Variants in KCNG1 observed in about 807,000 individuals in gnomAD.
KCNG1 encodes voltage-gated potassium channel regulatory subunit KCNG1.
KCNG1 carries 17 observed loss-of-function variants against 32.4 expected under a neutral mutation model. The ratio of observed to expected loss-of-function variants is 0.52; its 90% CI spans 0.36 to 0.79. The LOEUF is 0.79. KCNG1 is among the 30% of genes least tolerant of loss of function. The probability of loss-of-function intolerance (pLI) is 0.00; values close to 1 mark genes in which losing one functional copy is unlikely to be tolerated. For missense variants in KCNG1, 441 were observed against 735.2 expected, an observed-to-expected ratio of 0.60 and a Z score of 4.63; for synonymous variants, 358 against 339.9, an observed-to-expected ratio of 1.05 and a Z score of -0.59.
intron 1 of KCNG1, among the ~76,000 whole-genome samples, chr20:51,013,173 A>G (rs1011928462): frequency 6.6e-6 from 1 of 152,080 alleles, no homozygotes; most frequent in Non-Finnish European, 1.5e-5. Flanking sequence ...GTGGTGGCAC[A>G]TGCCTGAAAT....
intron 1 of KCNG1, chr20:51,012,503 A>C (rs1480148792): frequency 1.3e-5 from 2 of 152,156 alleles, no homozygotes; most frequent in Non-Finnish European, 2.9e-5. Context: ...AAATGAGTAC[A>C]TTTCTTGTTG....
intron 1 of KCNG1, among the ~76,000 whole-genome samples, chr20:51,017,212 G>C (rs986637418): frequency 1.3e-5 from 2 of 152,188 alleles, no homozygotes; most frequent in African/African-American, 4.8e-5. Flanking sequence ...GCAGATTATG[G>C]AAGCCTGCAG....
chr20:51,010,307 T>C lies in KCNG1; in HGVS notation c.32A>G (p.Tyr11Cys), dbSNP rs1353919409. The C allele has an allele frequency of 6.6e-7, 1 of 1,506,846 alleles. No individual in the cohort carries two copies. Among genetic ancestry groups the C allele is most frequent in the Admixed American group, 2.2e-5 (1 of 44,770 alleles). 93.3% of individuals were successfully genotyped at this position (1,506,846 alleles called of 1,614,324 possible). MTLLPGDNSD[Y>C]DYSALSCTSD... is the part of the protein sequence containing the mutation. ...GGTGCAGCTCAGCGCGCTGTAGTCG[T>C]AGTCAGAATTGTCTCCCGGTAAGAG... is the stretch of plus-strand genomic sequence containing the variant. Residue 11 changes from tyrosine to cysteine, a missense_variant, in exon 2 of 3, where the codon TAC (tyrosine) becomes TGC (cysteine). By Grantham distance (194) the Tyr-to-Cys change is radical. Transcript: ENST00000371571.
At chr20:51,018,192 C>A (rs763080784) in intron 1 of KCNG1, among the ~76,000 whole-genome samples, 2 of 152,300 alleles carry the variant, frequency 1.3e-5, no homozygotes, top group Non-Finnish European at 2.9e-5. Context: ...CCAAGCCAGG[C>A]ATGGCTAGTC....
At chr20:51,007,908 A>T (rs958219820) in intron 2 of KCNG1, 9 of 151,880 alleles carry the variant, frequency 5.9e-5, no homozygotes, top group African/African-American at 1.5e-4. Flanking sequence ...TGGATTATTA[A>T]TGCAACAGCT....
chr20:51,016,933 T>C (rs1988300651), intron 1 of KCNG1, among the ~76,000 whole-genome samples: 1 of 152,098 alleles, frequency 6.6e-6, no homozygotes, highest in Admixed American at 6.5e-5. Context: ...TGGGCGGTAA[T>C]GAGGGAAATG....
At chr20:51,019,426 A>G (rs1002125962) in intron 1 of KCNG1, among the ~76,000 whole-genome samples, 2 of 152,082 alleles carry the variant, frequency 1.3e-5, no homozygotes, top group African/African-American at 4.8e-5. Flanking sequence ...TGGGAGGATC[A>G]CTTGAGCCCA....
chr20:51,010,229 C>G lies in KCNG1; in HGVS notation c.110G>C (p.Gly37Ala), dbSNP rs1388696397. The change falls in exon 2 of 3, where the codon GGC (glycine) becomes GCC (alanine). Residue 37 changes from glycine to alanine, a missense_variant. Physicochemically the swap from Gly to Ala is moderately conservative, Grantham distance 60. This residue lies in a region of KCNG1 where 85 missense variants were observed against 98.2 expected (regional missense o/e 0.87). Transcript: ENST00000371571. ...AFLPQRQAIK[G>A]AFYRRAQRLR... ...CCGCTGCGCCCGGCGGTAGAACGCG[C>G]CCTTGATGGCCTGGCGCTGCGGGAG... is the stretch of plus-strand genomic sequence containing the variant. The G allele has an allele frequency of 1.3e-6, 2 of 1,561,074 alleles. No individual in the cohort carries two copies. Among genetic ancestry groups the G allele is most frequent in the South Asian group, 1.2e-5 (1 of 83,312 alleles).
rs1045203421 is a variant in KCNG1, at chr20:51,015,513, A to C, written c.-26-5149T>G. Among the ~76,000 whole-genome samples the C allele has an allele frequency of 6.6e-6, 1 of 152,172 alleles. No homozygotes were observed. Among genetic ancestry groups the C allele is most frequent in the Non-Finnish European group, 1.5e-5 (1 of 68,024 alleles). On this transcript the variant is annotated intron_variant, in intron 1 of 2. Transcript: ENST00000371571. The surrounding 1 kb of genome is among the most constrained non-coding windows in gnomAD (Gnocchi z 4.4). ...GCAGCTTTGACCTGGCTAGGCTGGC[A>C]GGGGCCGGAGGGCCAGGGTAGTAGA...
At chr20:51,020,195 A>ACGTTTG (rs1988425886) in intron 1 of KCNG1, among the ~76,000 whole-genome samples, 1 of 152,008 alleles carries the variant, frequency 6.6e-6, no homozygotes, top group African/African-American at 2.4e-5. Flanking sequence ...CACCAAATGC[A>ACGTTTG]CGTTTGCGTT....
At chr20:51,021,481 C>G (rs982507549) in intron 1 of KCNG1, among the ~76,000 whole-genome samples, 6 of 152,180 alleles carry the variant, frequency 3.9e-5, no homozygotes, top group African/African-American at 1.4e-4. Context: ...GCCGGTGAGG[C>G]TCTTCATAGG....
chr20:51,018,695 G>T (rs1988365547), intron 1 of KCNG1, among the ~76,000 whole-genome samples: 3 of 152,164 alleles, frequency 2.0e-5, no homozygotes, highest in African/African-American at 7.2e-5. Flanking sequence ...TCCTAAAAAG[G>T]TGGGCATTAT....
At chr20:51,008,950 G>C (rs769229424) in intron 2 of KCNG1, among the ~76,000 whole-genome samples, 2 of 152,116 alleles carry the variant, frequency 1.3e-5, no homozygotes, top group African/African-American at 4.8e-5. Context: ...GCCCAGCTCC[G>C]GCTCCCGTGA....
intron 1 of KCNG1, among the ~76,000 whole-genome samples, chr20:51,011,647 C>G (rs1988098669): frequency 6.6e-6 from 1 of 152,222 alleles, no homozygotes; most frequent in Non-Finnish European, 1.5e-5. Context: ...GGGCAAGTGA[C>G]TCAACCTTGA....
At chr20:51,012,089 G>A (rs966454032) in intron 1 of KCNG1, among the ~76,000 whole-genome samples, 1 of 152,112 alleles carries the variant, frequency 6.6e-6, no homozygotes, top group Admixed American at 6.6e-5. Context: ...TACCACGCCC[G>A]GCCTATTATT....
At position 51,010,232 on chromosome 20, in the gene KCNG1, T is replaced by G. The variant is rs771399675; in HGVS notation, c.107A>C (p.Lys36Thr). 2.6e-6 allele frequency: 4 copies of G among 1,560,288 alleles called. No homozygotes were observed. In the South Asian group the frequency reaches 4.8e-5, roughly 19 times the overall value. ...PAFLPQRQAI[K>T]GAFYRRAQRL... is the part of the protein sequence containing the mutation. ...CTGCGCCCGGCGGTAGAACGCGCCCTTGATGGCCTGGCGCTGCGGGAGGAA... is the reference window on the plus strand; with the variant it reads ...CTGCGCCCGGCGGTAGAACGCGCCCGTGATGGCCTGGCGCTGCGGGAGGAA... The change falls in exon 2 of 3, where the codon AAG becomes ACG. Residue 36 changes from lysine (K) to threonine (T), a missense_variant. Lys to Thr is a moderately conservative substitution (Grantham distance 78). Transcript: ENST00000371571.
chr20:51,004,948 T>C lies in KCNG1; in HGVS notation c.775-142A>G, dbSNP rs1987770834. The stretch of plus-strand genomic sequence containing the variant: ...GAGTGGCCCCGGGTCCTCTCCCTAG[T>C]TGTGCCCACTCCGAGGCCTGGGGCA... On this transcript the variant is annotated intron_variant, in intron 2 of 2. Coordinates refer to ENST00000371571, the MANE Select transcript of KCNG1 (RefSeq NM_002237.4). The surrounding 1 kb of genome is among the most constrained non-coding windows in gnomAD (Gnocchi z 4.3). The C allele has an allele frequency of 2.6e-6, 2 of 773,298 alleles. No homozygotes were observed. The highest frequency in any genetic ancestry group is 5.6e-5 in the East Asian group (2 of 35,830). The allele number at this position is 773,298 out of a possible 1,614,324, so 47.9% of individuals were successfully genotyped here. A position where few individuals can be genotyped will look rare whatever the true frequency, so the allele number is the denominator to read the frequency against.
chr20:51,010,389 C>A, intron 1 of KCNG1, 25 bp from the exon 2 acceptor site: 1 of 1,419,528 alleles, frequency 7.0e-7, no homozygotes, highest in Non-Finnish European at 9.4e-7. Flanking sequence ...GAGGGAAGAC[C>A]CTCAGTGACC....
intron 1 of KCNG1, among the ~76,000 whole-genome samples, chr20:51,014,343 C>A (rs1408483770): frequency 1.3e-5 from 2 of 152,184 alleles, no homozygotes; most frequent in African/African-American, 4.8e-5. Context: ...CAAAGCCTGG[C>A]CTTCTGAAAA....
Sources: allele counts gnomAD v4.1 joint callset (sites outside exome capture counted in the v4.1 genomes callset), GRCh38; gene constraint gnomAD v4.1.1; regional missense constraint gnomAD v4.1.1; non-coding constraint Gnocchi (gnomAD v3.1); transcripts MANE v1.5; gene names NCBI Gene and HGNC (gene_info 2026-07-23, HGNC 2026-07-21).